SLX9: variants seen among roughly 807,000 people sequenced by gnomAD.
SLX9 encodes SLX9 ribosome biogenesis factor.
A neutral mutation model predicts 20.8 loss-of-function variants in SLX9; 19 were observed. The ratio of observed to expected loss-of-function variants is 0.91; its 90% CI spans 0.64 to 1.34. The LOEUF (loss-of-function observed/expected upper bound fraction) is 1.34, where lower values mean the gene tolerates loss of function less well. Among genes scored for constraint, SLX9 ranks in the 40% most tolerant of loss-of-function variants. SLX9 has a pLI of 0.00. For missense variants in SLX9, 299 were observed against 322.2 expected (o/e 0.93, Z 0.55); for synonymous variants, 113 against 137.1 (o/e 0.82, Z 1.23).
Position 44,974,876 on chromosome 21 carries a change from C to G in SLX9, c.569+1611C>G, listed in dbSNP as rs566584038. Among the ~76,000 whole-genome samples, 16 of 152,362 alleles carry G rather than the reference C, an allele frequency of 1.1e-4. No individual in the cohort carries two copies. In the East Asian group the frequency reaches 2.5e-3, roughly 24 times the overall value. ...GCCTCTCCCCAGTGCACAGCCTGGT[C>G]CGGGGAGCCCCTCCCTGCCTGGACA... On this transcript the variant is annotated intron_variant, in intron 5 of 5. Transcript: ENST00000291634.
In SLX9 at chr21:44,961,394, T is replaced by C. The variant is rs190266303; in HGVS notation, c.352+1226T>C. Among the ~76,000 whole-genome samples, 61 of 152,280 alleles carry C rather than the reference T, an allele frequency of 4.0e-4. 2 individuals are homozygous for C. In the East Asian group the frequency reaches 0.011, roughly 28 times the overall value. On this transcript the variant is annotated intron_variant, in intron 3 of 5. Coordinates refer to ENST00000291634, the MANE Select transcript of SLX9 (RefSeq NM_058190.4). ...AGGAGTTTCAGACTAGCCTGGGCAATATAGCGAGACCTTGTCTCTACAAAA... is the reference window on the plus strand; with the variant it reads ...AGGAGTTTCAGACTAGCCTGGGCAACATAGCGAGACCTTGTCTCTACAAAA...
At chr21:44,969,366 C>T in intron 4 of SLX9, 1 of 387,428 alleles carries the variant, frequency 2.6e-6, no homozygotes. Context: ...GTTTTCTCAT[C>T]TGAAAAATGT....
chr21:44,939,794 T>C, upstream of SLX9: 1 of 551,324 alleles, frequency 1.8e-6, no homozygotes, highest in East Asian at 3.5e-5. Context: ...CGGGCTTGGG[T>C]CCCCCACGAT....
chr21:44,957,081 A>C (rs2084871830), intron 2 of SLX9, among the ~76,000 whole-genome samples: 1 of 152,090 alleles, frequency 6.6e-6, no homozygotes, highest in South Asian at 2.1e-4. Context: ...GGCAGCCTGT[A>C]CCTGCGTGCA....
At position 44,948,001 on chromosome 21, in the gene SLX9, C is replaced by G. The variant is rs78827311; in HGVS notation, c.283+4164C>G. ...TGAGCACCCGTCTCCTGAGCCTCCC[C>G]CAACGCAGTGCCACCTGCTGTGCGT... On this transcript the variant is annotated intron_variant, in intron 2 of 5. Coordinates refer to ENST00000291634, the MANE Select transcript of SLX9 (RefSeq NM_058190.4). Among the ~76,000 whole-genome samples, 996 of 152,336 alleles carry G rather than the reference C, an allele frequency of 6.5e-3. 13 individuals carry two copies. The highest frequency in any genetic ancestry group is 0.023 in the African/African-American group (957 of 41,550).
intron 5 of SLX9, 98 bp from the exon 6 acceptor site, chr21:44,976,582 C>T: frequency 1.3e-6 from 2 of 1,500,120 alleles, no homozygotes; most frequent in Admixed American, 2.1e-5. Context: ...TGGCCCCAGG[C>T]CTCTGCCATT....
intron 2 of SLX9, among the ~76,000 whole-genome samples, chr21:44,950,731 T>C (rs2084741951): frequency 6.6e-6 from 1 of 152,232 alleles, no homozygotes. Flanking sequence ...CCAGACATAG[T>C]GCTGTTTCCT....
intron 2 of SLX9, among the ~76,000 whole-genome samples, chr21:44,955,415 A>C (rs541846438): frequency 6.6e-6 from 1 of 152,298 alleles, no homozygotes; most frequent in African/African-American, 2.4e-5. Context: ...CACTGCCTCT[A>C]CGTGAAGTTG....
At chr21:44,955,436 C>T (rs528350669) in intron 2 of SLX9, among the ~76,000 whole-genome samples, 72 of 152,332 alleles carry the variant, frequency 4.7e-4, no homozygotes, top group Middle Eastern at 6.8e-3. Flanking sequence ...TGCAAAGTGG[C>T]ACATGATAGA....
At chr21:44,971,301 C>T (rs562140416) in intron 4 of SLX9, among the ~76,000 whole-genome samples, 116 of 152,292 alleles carry the variant, frequency 7.6e-4, no homozygotes, top group African/African-American at 2.6e-3. Context: ...CTCGTGGAGT[C>T]GCGTCCCTGC....
intron 1 of SLX9, among the ~76,000 whole-genome samples, chr21:44,940,614 AATC>A (rs747562005): frequency 1.3e-5 from 2 of 151,752 alleles, no homozygotes; most frequent in Non-Finnish European, 2.9e-5. Context: ...AGCAAGCACG[AATC>A]TACCTTTTGT....
rs559028093 is a variant in SLX9 at position 44,943,851 on chromosome 21, G to A, written c.283+14G>A. The A allele has an allele frequency of 5.0e-6, 8 of 1,613,862 alleles. No homozygotes were observed. Among genetic ancestry groups the A allele is most frequent in the East Asian group, 4.5e-5 (2 of 44,876 alleles). ...CCATCAGGAGAGGTGAGGCAGGCTC[G>A]ACGGGTTACCATGCTGATACCCAGC... On this transcript the variant is annotated intron_variant, in intron 2 of 5. Coordinates refer to ENST00000291634, the MANE Select transcript of SLX9 (RefSeq NM_058190.4).
At chr21:44,942,312 C>T (rs996423671) in intron 1 of SLX9, among the ~76,000 whole-genome samples, 2 of 152,230 alleles carry the variant, frequency 1.3e-5, no homozygotes. Context: ...CTGAAGGCTG[C>T]CCTGGTCTCC....
rs1466706965 is a variant in SLX9 at position 44,940,041 on chromosome 21, C to G, written c.-17C>G. The G allele has an allele frequency of 2.8e-6, 4 of 1,433,578 alleles. No individual in the cohort carries two copies. The highest frequency in any genetic ancestry group is 5.9e-5 in the Admixed American group (2 of 33,816). The allele number at this position is 1,433,578 out of a possible 1,614,324, so 88.8% of individuals were successfully genotyped here. A position where few individuals can be genotyped will look rare whatever the true frequency, so the allele number is the denominator to read the frequency against. On this transcript the variant is annotated 5_prime_UTR_variant, in exon 1 of 6. Transcript: ENST00000291634. Reference sequence around the variant, plus strand: ...TCCGGGAGGCGCTCCGCACGTTTGCCGTGCTCCGCCGGGAAGATGGGGAAA... The same window carrying G: ...TCCGGGAGGCGCTCCGCACGTTTGCGGTGCTCCGCCGGGAAGATGGGGAAA...
intron 5 of SLX9, among the ~76,000 whole-genome samples, chr21:44,975,617 C>T (rs559281610): frequency 1.3e-5 from 2 of 152,404 alleles, no homozygotes; most frequent in East Asian, 1.9e-4. Flanking sequence ...CCCCTGGCCT[C>T]GGCTCCTCAG....
At chr21:44,974,558 T>C (rs895195072) in intron 5 of SLX9, among the ~76,000 whole-genome samples, 1 of 152,240 alleles carries the variant, frequency 6.6e-6, no homozygotes, top group Non-Finnish European at 1.5e-5. Context: ...TTTAGTTTTT[T>C]AAAAAGTTTT....
In SLX9 at chr21:44,973,281, C is replaced by T. The variant is rs1327038512; in HGVS notation, c.569+16C>T. On this transcript the variant is annotated intron_variant, in intron 5 of 5. Coordinates refer to ENST00000291634, the MANE Select transcript of SLX9 (RefSeq NM_058190.4). Reference sequence around the variant, plus strand: ...AGCAGCTTCTGTGAGTGCACCTGCCCACCTCCTCAGGGGTTCAGCTCCTGA... The same window carrying T: ...AGCAGCTTCTGTGAGTGCACCTGCCTACCTCCTCAGGGGTTCAGCTCCTGA... 6.2e-7 allele frequency: 1 copy of T among 1,611,408 alleles called. No homozygotes were observed. The highest frequency in any genetic ancestry group is 1.3e-5 in the African/African-American group (1 of 74,980).
intron 4 of SLX9, among the ~76,000 whole-genome samples, chr21:44,970,922 G>T (rs967671137): frequency 9.2e-5 from 14 of 152,092 alleles, no homozygotes; most frequent in Non-Finnish European, 2.1e-4. Flanking sequence ...CTGTCCTGGC[G>T]CCCTGCCCTG....
In SLX9 at chr21:44,961,756, C is replaced by T. The variant is rs964715207; in HGVS notation, c.352+1588C>T. On this transcript the variant is annotated intron_variant, in intron 3 of 5. Coordinates refer to ENST00000291634, the MANE Select transcript of SLX9 (RefSeq NM_058190.4). ...ATTTAATAATTAATGTATTTAATAA[C>T]CAATTCTACTCTTTTGTCTTCAAAA... is the stretch of plus-strand genomic sequence containing the variant. Among the ~76,000 whole-genome samples, 10 of 152,278 alleles carry T rather than the reference C, an allele frequency of 6.6e-5. No homozygotes were observed. In the South Asian group the frequency reaches 2.1e-3, roughly 32 times the overall value.
Sources: gnomAD v4.1 joint callset for allele counts (sites outside exome capture counted in the v4.1 genomes callset) on GRCh38, gnomAD v4.1.1 for gene constraint, MANE v1.5 for transcripts, NCBI Gene and HGNC (gene_info 2026-07-23, HGNC 2026-07-21) for gene names.